Variants in PXYLP1 observed in about 807,000 individuals in gnomAD.
PXYLP1 encodes 2-phosphoxylose phosphatase 1.
PXYLP1 carries 17 observed loss-of-function variants against 37.9 expected under a neutral mutation model. The ratio of observed to expected loss-of-function variants is 0.45; its 90% CI spans 0.31 to 0.67. The LOEUF (loss-of-function observed/expected upper bound fraction) is 0.67, where lower values mean the gene tolerates loss of function less well. PXYLP1 is among the 30% of genes least tolerant of loss of function. The pLI, the probability that PXYLP1 is intolerant of heterozygous loss-of-function variation, is 0.07. For synonymous variants in PXYLP1, 221 were observed against 232.2 expected (o/e 0.95, Z 0.44); for missense variants, 511 against 612.0 (o/e 0.84, Z 1.74).
At chr3:141,270,186 C>T (rs1006409853) in intron 2 of PXYLP1, among the ~76,000 whole-genome samples, 1 of 152,202 alleles carries the variant, frequency 6.6e-6, no homozygotes. Flanking sequence ...CATGAAGCAA[C>T]ATTAAGAATG....
rs376129617 is a variant in PXYLP1, at chr3:141,260,134, G to A, written c.-42G>A. ...TGCTTTATTCACAGGACATGTTCCCGATTTGAGGTGAAACCATGAAGAGAA... is the reference window on the plus strand; with the variant it reads ...TGCTTTATTCACAGGACATGTTCCCAATTTGAGGTGAAACCATGAAGAGAA... On this transcript the variant is annotated 5_prime_UTR_variant, in exon 2 of 6. Coordinates refer to ENST00000286353, the MANE Select transcript of PXYLP1 (RefSeq NM_001037172.3). 9 of 1,610,030 alleles carry A rather than the reference G, an allele frequency of 5.6e-6. No homozygotes were observed. Among genetic ancestry groups the A allele is most frequent in the South Asian group, 4.4e-5 (4 of 90,904 alleles).
At chr3:141,238,154 G>A (rs1039705010) in intron 1 of PXYLP1, among the ~76,000 whole-genome samples, 2 of 152,214 alleles carry the variant, frequency 1.3e-5, no homozygotes, top group Non-Finnish European at 2.9e-5. Flanking sequence ...GCAGGTAGGG[G>A]ACTAGCCAGA....
intron 2 of PXYLP1, among the ~76,000 whole-genome samples, chr3:141,268,288 T>C (rs1475509518): frequency 6.8e-6 from 1 of 147,244 alleles, no homozygotes; most frequent in Non-Finnish European, 1.5e-5. Context: ...TTAGTAAAAA[T>C]AGAAAGCATT....
At chr3:141,280,767 A>C (rs1941934417) in intron 4 of PXYLP1, among the ~76,000 whole-genome samples, 1 of 152,094 alleles carries the variant, frequency 6.6e-6, no homozygotes, top group South Asian at 2.1e-4. Flanking sequence ...AAAAATTACT[A>C]ATGTTGTGAT....
intron 2 of PXYLP1, chr3:141,262,245 T>C (rs1941409044): frequency 1.0e-6 from 1 of 985,080 alleles, no homozygotes; most frequent in African/African-American, 1.7e-5. Context: ...CCTTCCAGAA[T>C]TGGAAAAGAG....
intron 1 of PXYLP1, among the ~76,000 whole-genome samples, chr3:141,256,527 C>T (rs551232069): frequency 6.6e-6 from 1 of 152,146 alleles, no homozygotes; most frequent in African/African-American, 2.4e-5. Flanking sequence ...TATACATACA[C>T]ACACACACAC....
At chr3:141,286,559 C>T (rs1048956793) in intron 4 of PXYLP1, among the ~76,000 whole-genome samples, 4 of 151,982 alleles carry the variant, frequency 2.6e-5, no homozygotes, top group South Asian at 2.1e-4. Flanking sequence ...GAATGAGGTG[C>T]GTTGTGTGTT....
intron 1 of PXYLP1, among the ~76,000 whole-genome samples, chr3:141,254,571 A>G: frequency 6.6e-6 from 1 of 152,162 alleles, no homozygotes; most frequent in Non-Finnish European, 1.5e-5. Context: ...TCAGACTTCA[A>G]GGTTGGTTTT....
intron 1 of PXYLP1, among the ~76,000 whole-genome samples, chr3:141,249,859 G>A (rs113757795): frequency 0.019 from 2,933 of 152,050 alleles, 38 homozygotes; most frequent in Non-Finnish European, 0.028. Flanking sequence ...TAACTGAAGC[G>A]TACATAAAAG....
chr3:141,253,074 C>G (rs759309950), intron 1 of PXYLP1, among the ~76,000 whole-genome samples: 2 of 152,166 alleles, frequency 1.3e-5, no homozygotes, highest in Non-Finnish European at 2.9e-5. Context: ...GCTGGCCTGC[C>G]TGGTGGTGTG....
chr3:141,261,238 C>T lies in PXYLP1; in HGVS notation c.79+984C>T, dbSNP rs116605732. ...CACAGCTCATTGCAGACTCAACATC[C>T]GAGTTTAGGAGTTTAGGTAATCTTC... On this transcript the variant is annotated intron_variant, in intron 2 of 5. Coordinates refer to ENST00000286353, the MANE Select transcript of PXYLP1 (RefSeq NM_001037172.3). Among the ~76,000 whole-genome samples the T allele has an allele frequency of 3.8e-3, 578 of 152,198 alleles. 2 individuals carry two copies. The highest frequency in any genetic ancestry group is 0.012 in the African/African-American group (506 of 41,508).
At chr3:141,242,453 G>T (rs77317293) in intron 1 of PXYLP1, among the ~76,000 whole-genome samples, 2 of 152,222 alleles carry the variant, frequency 1.3e-5, no homozygotes, top group African/African-American at 4.8e-5. Context: ...TTTCCCTAAG[G>T]AAAAGAGGGC....
At chr3:141,248,453 C>T (rs1200044824) in intron 1 of PXYLP1, among the ~76,000 whole-genome samples, 2 of 151,004 alleles carry the variant, frequency 1.3e-5, no homozygotes, top group Non-Finnish European at 2.9e-5. Context: ...TTTTGCTCTA[C>T]CTGTCACTTT....
chr3:141,292,740 C>A lies in PXYLP1; in HGVS notation c.978C>A (p.Thr326=), dbSNP rs1942255271. ...VDMEHFKVIK[T]HQIEDERERR... The stretch of plus-strand genomic sequence containing the variant: ...TGGAGCACTTCAAGGTAATTAAGAC[C>A]CATCAGATCGAGGATGAAAGGGAAA... The change falls in exon 6 of 6, where the codon ACC becomes ACA. Residue 326 remains threonine (T), a synonymous_variant. Coordinates refer to ENST00000286353, the MANE Select transcript of PXYLP1 (RefSeq NM_001037172.3). This position sits in a 1 kb window ranked among gnomAD's most constrained non-coding sequence, Gnocchi z 4.3. 2 of 1,613,980 alleles carry A rather than the reference C, an allele frequency of 1.2e-6. No homozygotes were observed. The highest frequency in any genetic ancestry group is 1.7e-6 in the Non-Finnish European group (2 of 1,179,964).
chr3:141,292,216 GT>G lies in PXYLP1; in HGVS notation c.506-49del, dbSNP rs1420693035. The G allele has an allele frequency of 2.6e-6, 4 of 1,524,248 alleles. No homozygotes were observed. Among genetic ancestry groups the G allele is most frequent in the Non-Finnish European group, 1.8e-6 (2 of 1,134,486 alleles). 94.4% of individuals were successfully genotyped at this position (1,524,248 alleles called of 1,614,324 possible). ...CACGCTGACTCCACCTCCCCTTGCT[GT>G]TTCTTTTGCTCAGCTGGAAGTAAGG... On this transcript the variant is annotated intron_variant, in intron 5 of 5. Coordinates refer to ENST00000286353, the MANE Select transcript of PXYLP1 (RefSeq NM_001037172.3). This position sits in a 1 kb window ranked among gnomAD's most constrained non-coding sequence, Gnocchi z 4.3.
intron 1 of PXYLP1, among the ~76,000 whole-genome samples, chr3:141,236,550 C>T (rs1940662871): frequency 6.6e-6 from 1 of 152,178 alleles, no homozygotes; most frequent in Non-Finnish European, 1.5e-5. Flanking sequence ...ACCAACAAAA[C>T]CACAGCTTGC....
intron 2 of PXYLP1, among the ~76,000 whole-genome samples, chr3:141,266,635 G>C (rs1280916226): frequency 1.4e-5 from 2 of 142,628 alleles, no homozygotes; most frequent in African/African-American, 5.4e-5. Flanking sequence ...GTGTGAGAGA[G>C]GGAGAGACAG....
intron 1 of PXYLP1, among the ~76,000 whole-genome samples, chr3:141,251,167 G>A (rs915195814): frequency 6.6e-6 from 1 of 152,222 alleles, no homozygotes; most frequent in Non-Finnish European, 1.5e-5. Context: ...AATAACAATG[G>A]ATTAAAATGC....
intron 1 of PXYLP1, among the ~76,000 whole-genome samples, chr3:141,252,745 C>G (rs1941169831): frequency 6.6e-6 from 1 of 152,206 alleles, no homozygotes; most frequent in Non-Finnish European, 1.5e-5. Flanking sequence ...GGTGTTACCA[C>G]TCTATATCAC....
Sources: allele counts gnomAD v4.1 joint callset (sites outside exome capture counted in the v4.1 genomes callset), GRCh38; gene constraint gnomAD v4.1.1; non-coding constraint Gnocchi (gnomAD v3.1); transcripts MANE v1.5; gene names NCBI Gene and HGNC (gene_info 2026-07-23, HGNC 2026-07-21).